Variants in NAV3 observed in about 807,000 individuals in gnomAD.
NAV3 encodes neuron navigator 3.
NAV3 carries 87 observed loss-of-function variants against 244.7 expected under a neutral mutation model. The observed-to-expected ratio is 0.36, with a 90% CI of 0.30 to 0.42. The LOEUF (loss-of-function observed/expected upper bound fraction) is 0.42, where lower values mean the gene tolerates loss of function less well. Ranked by LOEUF, NAV3 falls within the 20% of genes least tolerant of loss-of-function variation. The probability of loss-of-function intolerance (pLI) is 1.00; values close to 1 mark genes in which losing one functional copy is unlikely to be tolerated. For missense variants in NAV3, 2,663 were observed against 2,893.3 expected, an observed-to-expected ratio of 0.92 and a Z score of 1.83; for synonymous variants, 1,126 against 1,042.2, an observed-to-expected ratio of 1.08 and a Z score of -1.55.
chr12:78,118,149 G>T lies in NAV3; in HGVS notation c.2892G>T (p.Val964=). Residue 964 remains valine, a synonymous_variant, in exon 14 of 40, where the codon GTG becomes GTT. Transcript: ENST00000397909. ...ATGCTGGTGGCAAGTGGAAGACTGTGTCCTCTGGACTTCCTGAAGACCCCG... is the reference window on the plus strand; with the variant it reads ...ATGCTGGTGGCAAGTGGAAGACTGTTTCCTCTGGACTTCCTGAAGACCCCG... The part of the protein sequence containing the change: ...HGDAGGKWKT[V]SSGLPEDPEK... The T allele has an allele frequency of 5.0e-6, 8 of 1,614,074 alleles. No individual in the cohort carries two copies. Among genetic ancestry groups the T allele is most frequent in the Non-Finnish European group, 6.8e-6 (8 of 1,180,016 alleles).
intron 2 of NAV3, among the ~76,000 whole-genome samples, chr12:77,588,468 C>T (rs978972660): frequency 2.2e-4 from 33 of 152,122 alleles, no homozygotes; most frequent in African/African-American, 3.9e-4. Flanking sequence ...GGAATAACCC[C>T]GTGGGGCACT....
intron 34 of NAV3, among the ~76,000 whole-genome samples, chr12:78,196,750 C>A (rs752995628): frequency 2.6e-5 from 4 of 151,824 alleles, no homozygotes; most frequent in Non-Finnish European, 5.9e-5. Flanking sequence ...TTTAGATATA[C>A]CCCATCTACC....
intron 2 of NAV3, among the ~76,000 whole-genome samples, chr12:77,750,144 G>C (rs1430227909): frequency 2.0e-5 from 3 of 152,146 alleles, no homozygotes; most frequent in Non-Finnish European, 4.4e-5. Flanking sequence ...ACAAGGTCAG[G>C]AGATCAAGAC....
chr12:78,092,863 C>T (rs1336365073), intron 12 of NAV3, among the ~76,000 whole-genome samples: 1 of 152,108 alleles, frequency 6.6e-6, no homozygotes, highest in Non-Finnish European at 1.5e-5. Context: ...AATTTTAAGG[C>T]TATCTTAGGT....
At chr12:77,761,682 AT>A (rs1410803713) in intron 2 of NAV3, among the ~76,000 whole-genome samples, 2 of 152,230 alleles carry the variant, frequency 1.3e-5, no homozygotes, top group Non-Finnish European at 2.9e-5. Flanking sequence ...AAAAAAGCTC[AT>A]CATCACTGGT....
chr12:77,922,036 A>G (rs1487676682), intron 1 of NAV3, among the ~76,000 whole-genome samples: 1 of 152,138 alleles, frequency 6.6e-6, no homozygotes, highest in Non-Finnish European at 1.5e-5. Flanking sequence ...AACAGTGGCA[A>G]TTATATCAAA....
At chr12:78,138,833 CT>C (rs1219722409) in intron 19 of NAV3, among the ~76,000 whole-genome samples, 1 of 152,076 alleles carries the variant, frequency 6.6e-6, no homozygotes. Flanking sequence ...GGCAAGATGG[CT>C]TTTTTGTGCT....
intron 2 of NAV3, among the ~76,000 whole-genome samples, chr12:77,681,467 G>A (rs1307967885): frequency 6.6e-6 from 1 of 152,094 alleles, no homozygotes; most frequent in East Asian, 1.9e-4. Context: ...TTTTCAGTAA[G>A]GTGAAGGTTA....
rs997057953 is a variant in NAV3, at chr12:78,128,200, C to G, written c.4281-506C>G. Among the ~76,000 whole-genome samples the G allele has an allele frequency of 2.0e-5, 3 of 151,798 alleles. No individual in the cohort carries two copies. The South Asian group carries it at 6.2e-4, about 32-fold the overall frequency. On this transcript the variant is annotated intron_variant, in intron 17 of 39. Transcript: ENST00000397909. ...ATGTTCCAGTAAAGCGAGCACATCT[C>G]CCTCCTTATTTTTGTAATCTAGGCA...
In NAV3 at chr12:78,067,122, G is replaced by A. The variant is rs1885109130; in HGVS notation, c.2636+8007G>A. ...CGCCAAGCAAATATCTCTGGGATCA[G>A]GTTCATGATGCTTGTCACTAGTGTG... On this transcript the variant is annotated intron_variant, in intron 12 of 39. Coordinates refer to ENST00000397909, the MANE Select transcript of NAV3 (RefSeq NM_001024383.2). 1.3e-5 allele frequency among the ~76,000 whole-genome samples: 2 copies of A among 152,032 alleles called. 1 individual carries two copies. The highest frequency in any genetic ancestry group is 1.3e-4 in the Admixed American group (2 of 15,254).
At chr12:77,835,439 A>AT (rs1200736032) in intron 1 of NAV3, among the ~76,000 whole-genome samples, 8 of 152,200 alleles carry the variant, frequency 5.3e-5, no homozygotes. Context: ...GAGAGAACAA[A>AT]TTTACATATG....
At position 77,940,307 on chromosome 12, in the gene NAV3, T is replaced by C. The variant is rs1889744091; in HGVS notation, c.244-12T>C. 2 of 1,603,970 alleles carry C rather than the reference T, an allele frequency of 1.2e-6. No individual in the cohort carries two copies. Among genetic ancestry groups the C allele is most frequent in the South Asian group, 2.2e-5 (2 of 89,774 alleles). ...CACCCCATCTCACTTTTTCCTTCTC[T>C]CTGTTCAACAGATTTACACTGACTG... On this transcript the variant is annotated splice_polypyrimidine_tract_variant and intron_variant, in intron 1 of 39. Coordinates refer to ENST00000397909, the MANE Select transcript of NAV3 (RefSeq NM_001024383.2).
At chr12:77,739,249 A>G (rs1223588558) in intron 2 of NAV3, among the ~76,000 whole-genome samples, 2 of 152,152 alleles carry the variant, frequency 1.3e-5, no homozygotes, top group Admixed American at 6.5e-5. Context: ...TATAAATGTC[A>G]GCTGTTGTTT....
At chr12:78,093,492 A>G (rs1954070919) in intron 12 of NAV3, among the ~76,000 whole-genome samples, 1 of 152,192 alleles carries the variant, frequency 6.6e-6, no homozygotes, top group Admixed American at 6.5e-5. Context: ...ATAGGGCATG[A>G]CGTTGTAATG....
chr12:77,734,353 T>C (rs711151), intron 2 of NAV3, among the ~76,000 whole-genome samples: 84,388 of 151,876 alleles, frequency 0.56, 23,923 homozygotes, highest in East Asian at 0.85. Context: ...GCTGAAATCA[T>C]AGACCTTGCC....
intron 9 of NAV3, among the ~76,000 whole-genome samples, chr12:78,047,132 C>A (rs910611475): frequency 6.6e-6 from 1 of 151,956 alleles, no homozygotes; most frequent in African/African-American, 2.4e-5. Context: ...AGTCTTTGCA[C>A]GTGAAGCTTA....
At chr12:78,111,239 C>A (rs752410917) in intron 12 of NAV3, among the ~76,000 whole-genome samples, 1 of 151,882 alleles carries the variant, frequency 6.6e-6, no homozygotes, top group African/African-American at 2.4e-5. Flanking sequence ...AAATTAAATG[C>A]GTACAAATAA....
chr12:78,179,409 A>G, intron 28 of NAV3, 120 bp from the exon 29 acceptor site: 1 of 1,176,580 alleles, frequency 8.5e-7, no homozygotes, highest in Non-Finnish European at 1.2e-6. Context: ...AGGTTTTGCC[A>G]GCAGCACACC....
At chr12:77,762,535 G>A (rs1592658190) in intron 2 of NAV3, among the ~76,000 whole-genome samples, 1 of 152,030 alleles carries the variant, frequency 6.6e-6, no homozygotes, top group Non-Finnish European at 1.5e-5. Flanking sequence ...CCCGGGAGGC[G>A]GAGGTTGTAG....
Sources: allele counts gnomAD v4.1 joint callset (sites outside exome capture counted in the v4.1 genomes callset), GRCh38; gene constraint gnomAD v4.1.1; transcripts MANE v1.5; gene names NCBI Gene and HGNC (gene_info 2026-07-23, HGNC 2026-07-21).